PTPRG: variants seen among roughly 807,000 people sequenced by gnomAD.
PTPRG encodes the protein protein tyrosine phosphatase receptor type G.
In PTPRG, 102 loss-of-function variants were observed where a neutral mutation model predicts 165.3. The ratio of observed to expected loss-of-function variants is 0.62; its 90% confidence interval spans 0.53 to 0.73. PTPRG has a LOEUF of 0.73. Among genes scored for constraint, PTPRG ranks in the 30% least tolerant of loss-of-function variants. The probability of loss-of-function intolerance (pLI) is 0.00; values close to 1 mark genes in which losing one functional copy is unlikely to be tolerated. For synonymous variants in PTPRG, 675 were observed against 669.5 expected, an observed-to-expected ratio of 1.01 and a Z score of -0.13; for missense variants, 1,866 against 1,861.4, an observed-to-expected ratio of 1.00 and a Z score of -0.05.
intron 2 of PTPRG, among the ~76,000 whole-genome samples, chr3:61,768,363 C>A (rs111742491): frequency 3.4e-4 from 52 of 152,196 alleles, no homozygotes; most frequent in Middle Eastern, 3.4e-3. Context: ...AAATAATTTT[C>A]CTGGTTTCTC....
chr3:61,887,145 T>TATATATTTTTTTTTTTTTA, intron 2 of PTPRG, among the ~76,000 whole-genome samples: 1 of 56,488 alleles, frequency 1.8e-5, no homozygotes, highest in African/African-American at 3.8e-5. Flanking sequence ...TATATATATA[T>TATATATTTTTTTTTTTTTA]ATATATATAT....
chr3:62,259,164 G>T (rs975864777), intron 16 of PTPRG, among the ~76,000 whole-genome samples: 1 of 152,168 alleles, frequency 6.6e-6, no homozygotes, highest in African/African-American at 2.4e-5. Flanking sequence ...ATGCTCTGAG[G>T]GACCAGTGGC....
chr3:61,728,847 C>T (rs939100), intron 1 of PTPRG, among the ~76,000 whole-genome samples: 5 of 142,326 alleles, frequency 3.5e-5, no homozygotes, highest in South Asian at 2.2e-4. Context: ...GCCCAGTCTG[C>T]GCATCACAGT....
At chr3:61,642,382 T>G (rs547814138) in intron 1 of PTPRG, among the ~76,000 whole-genome samples, 1 of 152,344 alleles carries the variant, frequency 6.6e-6, no homozygotes, top group Non-Finnish European at 1.5e-5. Flanking sequence ...TCTTGAGATC[T>G]TCTGTTCTGG....
chr3:61,849,631 A>G, intron 2 of PTPRG, among the ~76,000 whole-genome samples: 1 of 152,246 alleles, frequency 6.6e-6, no homozygotes, highest in East Asian at 1.9e-4. Context: ...AAGCCCACAC[A>G]GTCATCAAAA....
At chr3:61,633,912 T>G (rs1353801260) in intron 1 of PTPRG, among the ~76,000 whole-genome samples, 1 of 150,138 alleles carries the variant, frequency 6.7e-6, no homozygotes, top group Non-Finnish European at 1.5e-5. Context: ...TTTTTTTTGG[T>G]GTTGCTGTTT....
At chr3:61,590,014 A>G (rs1700527499) in intron 1 of PTPRG, among the ~76,000 whole-genome samples, 1 of 152,046 alleles carries the variant, frequency 6.6e-6, no homozygotes, top group African/African-American at 2.4e-5. Context: ...AGGGTTTCAG[A>G]CTGATGCTTT....
chr3:62,079,989 T>C (rs1701509930), intron 5 of PTPRG, among the ~76,000 whole-genome samples: 1 of 152,228 alleles, frequency 6.6e-6, no homozygotes, highest in East Asian at 1.9e-4. Flanking sequence ...ATTATCTTTT[T>C]ATGAACAGAA....
intron 6 of PTPRG, among the ~76,000 whole-genome samples, chr3:62,143,802 C>T (rs1303717300): frequency 1.3e-5 from 2 of 152,142 alleles, no homozygotes; most frequent in Non-Finnish European, 2.9e-5. Context: ...TGAATTCTGG[C>T]TCTCCAGTTT....
chr3:62,222,031 T>C lies in PTPRG; in HGVS notation c.2288+3048T>C, dbSNP rs1419366721. The stretch of plus-strand genomic sequence containing the variant: ...TGTACGGTAGGTACTATCACTGTCC[T>C]TTCTATTTGACCCACATTCTTTGAC... On this transcript the variant is annotated intron_variant, in intron 13 of 29. Coordinates refer to ENST00000474889, the MANE Select transcript of PTPRG (RefSeq NM_002841.4). This position sits in a 1 kb window ranked among gnomAD's most constrained non-coding sequence, Gnocchi z 4.5. 2.0e-5 allele frequency among the ~76,000 whole-genome samples: 3 copies of C among 152,234 alleles called. No individual in the cohort carries two copies. Among genetic ancestry groups the C allele is most frequent in the Admixed American group, 6.5e-5 (1 of 15,288 alleles).
chr3:62,254,790 A>G lies in PTPRG; in HGVS notation c.2468-334A>G, dbSNP rs1459027672. Among the ~76,000 whole-genome samples the G allele has an allele frequency of 6.6e-6, 1 of 152,130 alleles. No individual in the cohort carries two copies. Among genetic ancestry groups the G allele is most frequent in the African/African-American group, 2.4e-5 (1 of 41,448 alleles). ...CTGGTGTGATAAAATTTCTTGGCAA[A>G]TGGGTACCCTTGATAAATTCACACT... On this transcript the variant is annotated intron_variant, in intron 15 of 29. Transcript: ENST00000474889. The surrounding 1 kb of genome is among the most constrained non-coding windows in gnomAD (Gnocchi z 4.6).
intron 1 of PTPRG, among the ~76,000 whole-genome samples, chr3:61,596,323 C>T (rs2365951): frequency 0.89 from 134,970 of 152,234 alleles, 59,963 homozygotes; most frequent in South Asian, 0.97. Context: ...ATTACTTTTA[C>T]TGTGTGAGTA....
intron 6 of PTPRG, among the ~76,000 whole-genome samples, chr3:62,153,531 C>G (rs1487037382): frequency 6.6e-6 from 1 of 151,830 alleles, no homozygotes; most frequent in African/African-American, 2.4e-5. Context: ...CATGGTATGC[C>G]TTTAAGGGCA....
intron 13 of PTPRG, among the ~76,000 whole-genome samples, chr3:62,226,506 C>T (rs558004590): frequency 6.6e-6 from 1 of 152,288 alleles, no homozygotes; most frequent in African/African-American, 2.4e-5. Context: ...ATAATATAAC[C>T]TATTTGGTCT....
At chr3:61,798,855 GACCA>G (rs2035143620) in intron 2 of PTPRG, among the ~76,000 whole-genome samples, 1 of 152,034 alleles carries the variant, frequency 6.6e-6, no homozygotes, top group African/African-American at 2.4e-5. Context: ...CAGTGGAACA[GACCA>G]GAGGCATGGT....
chr3:61,742,357 C>T (rs2033023844), intron 1 of PTPRG: 1 of 838,050 alleles, frequency 1.2e-6, no homozygotes, highest in Non-Finnish European at 1.8e-6. Context: ...TAGTAGGTGA[C>T]TCTTAGGACA....
At chr3:61,623,249 T>G (rs1225639711) in intron 1 of PTPRG, among the ~76,000 whole-genome samples, 1 of 152,190 alleles carries the variant, frequency 6.6e-6, no homozygotes, top group East Asian at 1.9e-4. Context: ...GTGGAATACA[T>G]TGGCCCTACC....
In PTPRG at chr3:62,228,470, C is replaced by T. The variant is rs1024838629; in HGVS notation, c.2289-2755C>T. Among the ~76,000 whole-genome samples the T allele has an allele frequency of 2.0e-5, 3 of 150,266 alleles. No homozygotes were observed. Among genetic ancestry groups the T allele is most frequent in the African/African-American group, 4.9e-5 (2 of 40,672 alleles). On this transcript the variant is annotated intron_variant, in intron 13 of 29. Coordinates refer to ENST00000474889, the MANE Select transcript of PTPRG (RefSeq NM_002841.4). The surrounding 1 kb of genome is among the most constrained non-coding windows in gnomAD (Gnocchi z 4.1). ...CAGAGGATGCAGTAGGTGGAGATCA[C>T]GCCATTGCACTCCAGCCTGGGCAAC... is the stretch of plus-strand genomic sequence containing the variant.
At chr3:61,856,383 A>G (rs1298058510) in intron 2 of PTPRG, among the ~76,000 whole-genome samples, 1 of 152,202 alleles carries the variant, frequency 6.6e-6, no homozygotes, top group Non-Finnish European at 1.5e-5. Flanking sequence ...TTTAGAAATT[A>G]CAAAATTTAT....
Sources: gnomAD v4.1 joint callset for allele counts (sites outside exome capture counted in the v4.1 genomes callset) on GRCh38, gnomAD v4.1.1 for gene constraint, Gnocchi (gnomAD v3.1) non-coding constraint, MANE v1.5 for transcripts, NCBI Gene and HGNC (gene_info 2026-07-23, HGNC 2026-07-21) for gene names.